Variants in NACC2 observed in about 807,000 individuals in gnomAD.
NACC2 encodes the protein NACC family member 2, also known as nucleus accumbens-associated protein 2.
In NACC2, 8 loss-of-function variants were observed where a neutral mutation model predicts 25.1. That is an observed-to-expected ratio of 0.32 (90% CI 0.19 to 0.57). The LOEUF is 0.57. NACC2 is among the 20% of genes least tolerant of loss of function. The pLI is 0.89. For synonymous variants in NACC2, 435 were observed against 294.7 expected, an observed-to-expected ratio of 1.48 and a Z score of -4.88; for missense variants, 644 against 650.2, an observed-to-expected ratio of 0.99 and a Z score of 0.10.
intron 1 of NACC2, among the ~76,000 whole-genome samples, chr9:136,074,220 G>A (rs1321237164): frequency 3.3e-5 from 5 of 150,882 alleles, no homozygotes; most frequent in Non-Finnish European, 7.4e-5. Flanking sequence ...GGAGGCCGAG[G>A]AGGGCAGATC....
At chr9:136,094,685 G>C (rs1830469181) in intron 1 of NACC2, among the ~76,000 whole-genome samples, 1 of 152,056 alleles carries the variant, frequency 6.6e-6, no homozygotes, top group African/African-American at 2.4e-5. Context: ...GACCGGGAGG[G>C]CGAGGCGCGG....
At chr9:136,068,787 G>A (rs1841116902) in intron 1 of NACC2, among the ~76,000 whole-genome samples, 1 of 151,506 alleles carries the variant, frequency 6.6e-6, no homozygotes, top group Admixed American at 6.6e-5. Flanking sequence ...CTCACAGGAA[G>A]GCAGGAAAAA....
At chr9:136,076,662 T>TA (rs1266599787) in intron 1 of NACC2, among the ~76,000 whole-genome samples, 3 of 152,168 alleles carry the variant, frequency 2.0e-5, no homozygotes, top group Non-Finnish European at 4.4e-5. Context: ...ACTGTGCGCT[T>TA]AAAAAATGGT....
At chr9:136,070,776 A>G (rs557500798) in intron 1 of NACC2, among the ~76,000 whole-genome samples, 4 of 151,758 alleles carry the variant, frequency 2.6e-5, no homozygotes, top group African/African-American at 9.7e-5. Context: ...GGAGGAAAAA[A>G]ATCAATGAAA....
chr9:136,007,355 A>T lies in NACC2; in HGVS notation c.*4161T>A, dbSNP rs979602007. On this transcript the variant is annotated 3_prime_UTR_variant, in exon 6 of 6. Transcript: ENST00000277554. ...GTGACGTGCACGCGCGTGCACACACACAGACACACGCGTGCACACATACAC... is the reference window on the plus strand; with the variant it reads ...GTGACGTGCACGCGCGTGCACACACTCAGACACACGCGTGCACACATACAC... 1 of 151,886 alleles carries T rather than the reference A, an allele frequency of 6.6e-6. No homozygotes were observed. Among genetic ancestry groups the T allele is most frequent in the African/African-American group, 2.4e-5 (1 of 40,978 alleles). The allele number at this position is 151,886 out of a possible 1,614,324, so 9.4% of individuals were successfully genotyped here.
At chr9:136,044,158 G>A (rs967718325) in intron 2 of NACC2, among the ~76,000 whole-genome samples, 13 of 152,108 alleles carry the variant, frequency 8.5e-5, no homozygotes, top group Non-Finnish European at 1.2e-4. Context: ...AAAAGGCGGG[G>A]AGGAGAGAAC....
In NACC2 at chr9:136,013,842, C is replaced by T; in HGVS notation, c.1157+22G>A. On this transcript the variant is annotated intron_variant, in intron 4 of 5. Coordinates refer to ENST00000277554, the MANE Select transcript of NACC2 (RefSeq NM_144653.5). The surrounding 1 kb of genome is among the most constrained non-coding windows in gnomAD (Gnocchi z 6.6). Reference sequence around the variant, plus strand: ...CCCTCCGCAGCTCCATTGTGCCCTCCAGCACTCCTGCCCCGACCTACCTGT... The same window carrying T: ...CCCTCCGCAGCTCCATTGTGCCCTCTAGCACTCCTGCCCCGACCTACCTGT... 1 of 1,605,060 alleles carries T rather than the reference C, an allele frequency of 6.2e-7. No individual in the cohort carries two copies. The highest frequency in any genetic ancestry group is 1.7e-4 in the Middle Eastern group (1 of 6,046).
chr9:136,061,417 A>G (rs1841008690), intron 1 of NACC2, among the ~76,000 whole-genome samples: 2 of 152,234 alleles, frequency 1.3e-5, no homozygotes, highest in African/African-American at 4.8e-5. Context: ...GGAGGTCACC[A>G]GGCCCAGCTC....
rs945117434 is a variant in NACC2 at position 136,006,803 on chromosome 9, G to C, written c.*4713C>G. 1.3e-5 allele frequency: 2 copies of C among 151,306 alleles called. No homozygotes were observed. The highest frequency in any genetic ancestry group is 4.9e-5 in the African/African-American group (2 of 41,112). 9.4% of individuals were successfully genotyped at this position (151,306 alleles called of 1,614,324 possible). On this transcript the variant is annotated 3_prime_UTR_variant, in exon 6 of 6. Transcript: ENST00000277554. ...GAGGGCTCAGGAAAACAAAACAAAGGCTTCCTCCTTAAAAAAAAGACAAAA... is the reference window on the plus strand; with the variant it reads ...GAGGGCTCAGGAAAACAAAACAAAGCCTTCCTCCTTAAAAAAAAGACAAAA...
chr9:136,088,336 C>T (rs915009536), intron 1 of NACC2, among the ~76,000 whole-genome samples: 1 of 152,126 alleles, frequency 6.6e-6, no homozygotes, highest in Non-Finnish European at 1.5e-5. Context: ...GTGGGAGGGA[C>T]CCTCAGACCC....
chr9:136,072,304 G>GGGA (rs1841166631), intron 1 of NACC2, among the ~76,000 whole-genome samples: 1 of 152,108 alleles, frequency 6.6e-6, no homozygotes, highest in South Asian at 2.1e-4. Flanking sequence ...CCAGCACATT[G>GGGA]GGAGGCCACG....
At chr9:136,039,417 C>A (rs1290236782) in intron 2 of NACC2, among the ~76,000 whole-genome samples, 1 of 152,172 alleles carries the variant, frequency 6.6e-6, no homozygotes, top group Non-Finnish European at 1.5e-5. Context: ...ACAAGTTTAT[C>A]AAACACTTCA....
intron 1 of NACC2, among the ~76,000 whole-genome samples, chr9:136,093,013 C>T (rs781605664): frequency 3.9e-5 from 6 of 152,172 alleles, no homozygotes; most frequent in Non-Finnish European, 7.3e-5. Context: ...GCCCCACTGA[C>T]GGTGGCTGGG....
chr9:136,050,632 G>A (rs1484331543), intron 1 of NACC2, 52 bp from the exon 2 acceptor site: 6 of 678,330 alleles, frequency 8.8e-6, no homozygotes, highest in Non-Finnish European at 1.6e-5. Flanking sequence ...CGGGCTCCCC[G>A]CTCAAGGGGC....
chr9:136,050,059 C>A lies in NACC2; in HGVS notation c.463G>T (p.Ala155Ser). ...GGGGACACGACGTAGGGGGCCGCGG[C>A]GGCGGCGGCCGGCTGCAGCTGGTTG... ...PCNQLQPAAA[A>S]AAPYVVSPSV... The change falls in exon 2 of 6, where the codon GCC (alanine) becomes TCC (serine). Residue 155 changes from alanine to serine, a missense_variant. Ala to Ser is a moderately conservative substitution (Grantham distance 99). Transcript: ENST00000277554. 1.5e-6 allele frequency: 1 copy of A among 687,820 alleles called. No homozygotes were observed. The highest frequency in any genetic ancestry group is 1.5e-5 in the South Asian group (1 of 67,030). The allele number at this position is 687,820 out of a possible 1,614,324, so 42.6% of individuals were successfully genotyped here. A position where few individuals can be genotyped will look rare whatever the true frequency, so the allele number is the denominator to read the frequency against.
chr9:136,092,846 C>T (rs1830446895), intron 1 of NACC2, among the ~76,000 whole-genome samples: 1 of 152,332 alleles, frequency 6.6e-6, no homozygotes, highest in Non-Finnish European at 1.5e-5. Flanking sequence ...GACCCTCATC[C>T]CACCGGCCAC....
chr9:136,008,950 GCGATTACAAA>G lies in NACC2; in HGVS notation c.*2556_*2565del, dbSNP rs1467409726. On this transcript the variant is annotated 3_prime_UTR_variant, in exon 6 of 6. Coordinates refer to ENST00000277554, the MANE Select transcript of NACC2 (RefSeq NM_144653.5). ...TTCCTTACCCAGAACAAAACAGACGGCGATTACAAACGAGTGAGGAAGGGGCACGGGACAT... is the reference window on the plus strand; with the variant it reads ...TTCCTTACCCAGAACAAAACAGACGGCGAGTGAGGAAGGGGCACGGGACAT... 6.6e-6 allele frequency: 1 copy of G among 152,272 alleles called. No homozygotes were observed. The highest frequency in any genetic ancestry group is 2.4e-5 in the African/African-American group (1 of 41,438). 9.4% of individuals were successfully genotyped at this position (152,272 alleles called of 1,614,324 possible).
intron 3 of NACC2, 121 bp downstream of exon 3, chr9:136,016,144 A>G: frequency 2.7e-6 from 3 of 1,129,670 alleles, no homozygotes; most frequent in Non-Finnish European, 3.7e-6. Context: ...AATTAGAGGA[A>G]ATTTAAGATT....
chr9:136,037,656 C>T (rs1414995081), intron 2 of NACC2, among the ~76,000 whole-genome samples: 4 of 151,888 alleles, frequency 2.6e-5, no homozygotes, highest in Admixed American at 6.6e-5. Flanking sequence ...TACAGGCACC[C>T]GCCACCACAT....
Sources: allele counts gnomAD v4.1 joint callset (sites outside exome capture counted in the v4.1 genomes callset), GRCh38; gene constraint gnomAD v4.1.1; non-coding constraint Gnocchi (gnomAD v3.1); transcripts MANE v1.5; gene names NCBI Gene and HGNC (gene_info 2026-07-23, HGNC 2026-07-21).